The following CAMK1D variants were observed in gnomAD, a reference collection of about 807,000 sequenced individuals.
The protein encoded by CAMK1D is calcium/calmodulin-dependent protein kinase type 1D.
A neutral mutation model predicts 47.7 loss-of-function variants in CAMK1D; 9 were observed. That is an observed-to-expected ratio of 0.19 (90% CI 0.11 to 0.33). CAMK1D has a LOEUF of 0.33. CAMK1D is among the 10% of genes least tolerant of loss of function. The pLI, the probability that CAMK1D is intolerant of heterozygous loss-of-function variation, is 1.00. For synonymous variants in CAMK1D, 184 were observed against 184.9 expected, an observed-to-expected ratio of 0.99 and a Z score of 0.04; for missense variants, 291 against 488.7, an observed-to-expected ratio of 0.60 and a Z score of 3.81.
At chr10:12,583,605 ATTT>A (rs199562739) in intron 2 of CAMK1D, among the ~76,000 whole-genome samples, 1 of 132,640 alleles carries the variant, frequency 7.5e-6, no homozygotes, top group Non-Finnish European at 1.6e-5. Flanking sequence ...TTGTTGTTTT[ATTT>A]TTTTTTTTTT....
chr10:12,748,083 C>T (rs190851000), intron 3 of CAMK1D, among the ~76,000 whole-genome samples: 50 of 152,268 alleles, frequency 3.3e-4, no homozygotes, highest in Non-Finnish European at 6.0e-4. Context: ...GAGGATGCAG[C>T]GAAGGGATGC....
At chr10:12,448,411 A>T (rs747812608) in intron 1 of CAMK1D, among the ~76,000 whole-genome samples, 7 of 149,986 alleles carry the variant, frequency 4.7e-5, no homozygotes, top group Middle Eastern at 3.4e-3. Flanking sequence ...GCCCAGGCTG[A>T]TCTTGAACTC....
chr10:12,387,798 T>C (rs1588430860), intron 1 of CAMK1D, among the ~76,000 whole-genome samples: 1 of 152,104 alleles, frequency 6.6e-6, no homozygotes, highest in East Asian at 1.9e-4. Flanking sequence ...CCTGTGTGTG[T>C]ATCTTTATGT....
chr10:12,689,861 G>C (rs1460916007), intron 3 of CAMK1D, among the ~76,000 whole-genome samples: 1 of 152,082 alleles, frequency 6.6e-6, no homozygotes, highest in African/African-American at 2.4e-5. Context: ...TAAGTGGGGG[G>C]AAAATGAGGT....
At chr10:12,582,081 G>A (rs749004383) in intron 2 of CAMK1D, among the ~76,000 whole-genome samples, 16 of 152,106 alleles carry the variant, frequency 1.1e-4, no homozygotes, top group Non-Finnish European at 2.2e-4. Context: ...CGAGGGATGA[G>A]GATCTAGTTT....
chr10:12,444,764 G>T (rs1832881028), intron 1 of CAMK1D, among the ~76,000 whole-genome samples: 1 of 152,220 alleles, frequency 6.6e-6, no homozygotes, highest in Admixed American at 6.5e-5. Flanking sequence ...ATCTAAAGAT[G>T]TGGAATCCAT....
chr10:12,549,977 G>A (rs915755495), intron 1 of CAMK1D, among the ~76,000 whole-genome samples: 5 of 152,200 alleles, frequency 3.3e-5, no homozygotes, highest in African/African-American at 1.2e-4. Context: ...CCAAGGGTCC[G>A]ATTGAGCAGG....
intron 1 of CAMK1D, among the ~76,000 whole-genome samples, chr10:12,420,209 C>T (rs766735664): frequency 1.4e-4 from 21 of 152,194 alleles, no homozygotes; most frequent in African/African-American, 3.4e-4. Context: ...CTGTCCGTCT[C>T]GGCCTCCCAA....
rs199652393 is a variant in CAMK1D, at chr10:12,779,735, A to AT, written c.565+9946dup. Among the ~76,000 whole-genome samples, 1,017 of 150,852 alleles carry AT rather than the reference A, an allele frequency of 6.7e-3. 7 individuals are homozygous for AT. Among genetic ancestry groups the AT allele is most frequent in the Middle Eastern group, 0.034 (10 of 292 alleles). On this transcript the variant is annotated intron_variant, in intron 5 of 10. Transcript: ENST00000619168. ...TATTAACCACTGTGCCTAGTTGAGA[A>AT]TTTTTTTTTTGAGCCTTATTCAGTG...
chr10:12,430,382 C>T (rs577451310), intron 1 of CAMK1D, among the ~76,000 whole-genome samples: 24 of 152,310 alleles, frequency 1.6e-4, no homozygotes, highest in African/African-American at 5.8e-4. Flanking sequence ...GTCTGTGGGT[C>T]CTTTGGCCTC....
chr10:12,483,641 G>A (rs1488268537), intron 1 of CAMK1D, among the ~76,000 whole-genome samples: 1 of 151,878 alleles, frequency 6.6e-6, no homozygotes, highest in Non-Finnish European at 1.5e-5. Context: ...TGGGATTACA[G>A]GCTGGAGTCA....
chr10:12,678,912 A>G (rs577496093), intron 3 of CAMK1D, among the ~76,000 whole-genome samples: 93 of 152,086 alleles, frequency 6.1e-4, no homozygotes, highest in African/African-American at 2.2e-3. Context: ...ACAAGCATGC[A>G]CCATCATGCC....
At chr10:12,703,728 G>A (rs551611887) in intron 3 of CAMK1D, among the ~76,000 whole-genome samples, 95 of 152,232 alleles carry the variant, frequency 6.2e-4, no homozygotes, top group African/African-American at 2.2e-3. Context: ...AATTAACCAG[G>A]TGTGGTGGCA....
chr10:12,823,554 G>A (rs1024248256), intron 8 of CAMK1D, among the ~76,000 whole-genome samples: 4 of 151,956 alleles, frequency 2.6e-5, no homozygotes, highest in Non-Finnish European at 4.4e-5. Context: ...ATTGTGAGCC[G>A]AGAGAGAGGA....
intron 2 of CAMK1D, among the ~76,000 whole-genome samples, chr10:12,620,173 C>T (rs148494338): frequency 9.0e-4 from 84 of 93,610 alleles, no homozygotes; most frequent in African/African-American, 2.7e-3. Context: ...GGCGACAGAG[C>T]GAGACTCCGT....
chr10:12,792,993 C>G (rs1838049714), intron 6 of CAMK1D, among the ~76,000 whole-genome samples: 1 of 151,732 alleles, frequency 6.6e-6, no homozygotes, highest in Non-Finnish European at 1.5e-5. Flanking sequence ...CGCACGCACA[C>G]AATTTTGCAT....
At chr10:12,782,996 G>GTTT (rs869121653) in intron 5 of CAMK1D, among the ~76,000 whole-genome samples, 3 of 85,646 alleles carry the variant, frequency 3.5e-5, no homozygotes, top group Non-Finnish European at 2.5e-5. Context: ...TTTTTTTTTT[G>GTTT]TTTTTTTTTT....
chr10:12,778,253 A>G (rs907503801), intron 5 of CAMK1D, among the ~76,000 whole-genome samples: 1 of 152,212 alleles, frequency 6.6e-6, no homozygotes, highest in South Asian at 2.1e-4. Context: ...CTCTCTAACA[A>G]TGAAACCGAA....
In CAMK1D at chr10:12,408,557, G is replaced by T. The variant is rs575360475; in HGVS notation, c.92+58647G>T. 5.3e-5 allele frequency among the ~76,000 whole-genome samples: 8 copies of T among 152,264 alleles called. No individual in the cohort carries two copies. The East Asian group carries it at 1.2e-3, about 22-fold the overall frequency. On this transcript the variant is annotated intron_variant, in intron 1 of 10. Transcript: ENST00000619168. Reference sequence around the variant, plus strand: ...AGTCATGAAAATATTGGAACCAAAGGTGGGTGCATCTCCAGTCTTTTCCTT... The same window carrying T: ...AGTCATGAAAATATTGGAACCAAAGTTGGGTGCATCTCCAGTCTTTTCCTT...
Sources: allele counts gnomAD v4.1 joint callset (sites outside exome capture counted in the v4.1 genomes callset), GRCh38; gene constraint gnomAD v4.1.1; transcripts MANE v1.5; gene names NCBI Gene and HGNC (gene_info 2026-07-23, HGNC 2026-07-21).